Variants in LRRC37A2 observed in about 807,000 individuals in gnomAD.
LRRC37A2 encodes the protein leucine rich repeat containing 37 member A2, also known as leucine-rich repeat-containing protein 37A2.
Under a neutral mutation model 68.8 loss-of-function variants are expected in LRRC37A2, and 9 were observed. That is an observed-to-expected ratio of 0.13 (90% confidence interval 0.08 to 0.23). The LOEUF is 0.23. Ranked by LOEUF, LRRC37A2 falls within the 10% of genes least tolerant of loss-of-function variation. The pLI is 1.00. For synonymous variants in LRRC37A2, 63 were observed against 367.6 expected, an observed-to-expected ratio of 0.17 and a Z score of 9.48; for missense variants, 168 against 950.4, an observed-to-expected ratio of 0.18 and a Z score of 10.82.
chr17:46,841,775 A>G, the LRRC37A2 span, among the ~76,000 whole-genome samples: 6 of 152,318 alleles, frequency 3.9e-5, no homozygotes, highest in African/African-American at 1.2e-4. Context: ...CGGACAGGGA[A>G]GCCTGCATCC....
the LRRC37A2 span, chr17:46,939,810 C>T: frequency 3.0e-6 from 3 of 988,158 alleles, no homozygotes; most frequent in Non-Finnish European, 3.6e-6. Context: ...TCAGGCTGTA[C>T]TAATACCAGG....
At chr17:46,839,031 C>A in the LRRC37A2 span, among the ~76,000 whole-genome samples, 1 of 152,258 alleles carries the variant, frequency 6.6e-6, no homozygotes, top group African/African-American at 2.4e-5. Flanking sequence ...GCGCCCGCCA[C>A]CATGCCCAGC....
chr17:46,858,182 G>A, the LRRC37A2 span, among the ~76,000 whole-genome samples: 5 of 152,112 alleles, frequency 3.3e-5, no homozygotes, highest in African/African-American at 1.2e-4. Context: ...CACCCACCTC[G>A]GCCTCCCAAA....
the LRRC37A2 span, among the ~76,000 whole-genome samples, chr17:46,778,924 A>G: frequency 6.6e-6 from 1 of 152,052 alleles, no homozygotes; most frequent in Non-Finnish European, 1.5e-5. Flanking sequence ...CCTGTACCTA[A>G]TTCAAACCTT....
chr17:46,994,320 C>T, the LRRC37A2 span, among the ~76,000 whole-genome samples: 2 of 150,542 alleles, frequency 1.3e-5, no homozygotes, highest in South Asian at 2.1e-4. Context: ...CGGAGGCGAA[C>T]GTTGTAGTGA....
chr17:46,834,232 G>T, the LRRC37A2 span, among the ~76,000 whole-genome samples: 1 of 152,122 alleles, frequency 6.6e-6, no homozygotes, highest in Non-Finnish European at 1.5e-5. Context: ...TTCCAGAGGG[G>T]CTGAATCTCC....
At chr17:46,853,211 C>T in the LRRC37A2 span, among the ~76,000 whole-genome samples, 1 of 152,010 alleles carries the variant, frequency 6.6e-6, no homozygotes, top group African/African-American at 2.4e-5. Context: ...GTGCTCTTGG[C>T]CAAGTCACTT....
chr17:47,011,078 G>A, the LRRC37A2 span, among the ~76,000 whole-genome samples: 1 of 152,132 alleles, frequency 6.6e-6, no homozygotes, highest in Admixed American at 6.6e-5. Context: ...AGACCAGAGA[G>A]GAAACAAGCC....
the LRRC37A2 span, among the ~76,000 whole-genome samples, chr17:46,870,904 C>CTTTTTTTTTTTTTTTTTTTTTTT: frequency 5.1e-5 from 4 of 78,396 alleles, no homozygotes; most frequent in African/African-American, 2.0e-4. Flanking sequence ...TCCACCTTTG[C>CTTTTTTTTTTTTTTTTTTTTTTT]TTTTTTTTTT....
chr17:46,892,611 T>G, the LRRC37A2 span, among the ~76,000 whole-genome samples: 2 of 152,374 alleles, frequency 1.3e-5, no homozygotes, highest in East Asian at 3.9e-4. Context: ...CACACTGGAC[T>G]GTGAGCTTCT....
At chr17:46,759,205 AAAAAT>A in the LRRC37A2 span, among the ~76,000 whole-genome samples, 7 of 152,214 alleles carry the variant, frequency 4.6e-5, no homozygotes, top group East Asian at 1.9e-4. Flanking sequence ...TCTTGTCTCG[AAAAAT>A]AAAATAAGTG....
chr17:46,844,677 A>G, the LRRC37A2 span, among the ~76,000 whole-genome samples: 4 of 152,316 alleles, frequency 2.6e-5, no homozygotes, highest in Non-Finnish European at 4.4e-5. Flanking sequence ...ACTTACTCAG[A>G]TGAAAACAAA....
the LRRC37A2 span, among the ~76,000 whole-genome samples, chr17:46,860,672 C>T: frequency 6.6e-6 from 1 of 152,180 alleles, no homozygotes; most frequent in Non-Finnish European, 1.5e-5. Flanking sequence ...CAGCGTCCCA[C>T]GTTTAGAAGA....
the LRRC37A2 span, among the ~76,000 whole-genome samples, chr17:46,606,056 G>A: frequency 1.1e-5 from 1 of 91,376 alleles, no homozygotes; most frequent in Non-Finnish European, 1.9e-5. Flanking sequence ...GCGCATGCCT[G>A]TAATCCCAGC....
chr17:46,767,386 T>A, the LRRC37A2 span, among the ~76,000 whole-genome samples: 2 of 152,184 alleles, frequency 1.3e-5, no homozygotes, highest in Non-Finnish European at 2.9e-5. Flanking sequence ...TATATGCCGC[T>A]TCCCCCCACC....
the LRRC37A2 span, chr17:46,932,393 A>G: frequency 5.6e-5 from 36 of 642,418 alleles, no homozygotes; most frequent in South Asian, 6.4e-4. Flanking sequence ...TTCTAAGACA[A>G]AAACCTGAAG....
the LRRC37A2 span, among the ~76,000 whole-genome samples, chr17:46,995,667 A>G: frequency 0.7 from 106,403 of 152,016 alleles, 37,861 homozygotes; most frequent in Middle Eastern, 0.78. Flanking sequence ...AGGAGCCTAG[A>G]TCCCTTCTCC....
At chr17:46,765,168 C>T in the LRRC37A2 span, among the ~76,000 whole-genome samples, 1 of 152,232 alleles carries the variant, frequency 6.6e-6, no homozygotes. Context: ...AGTCAACCCC[C>T]AGCTCTTCTA....
chr17:46,864,823 C>T, the LRRC37A2 span, among the ~76,000 whole-genome samples: 8 of 152,096 alleles, frequency 5.3e-5, no homozygotes, highest in East Asian at 1.9e-4. Context: ...TTGTGGCCAC[C>T]GGAGACCTGC....
Sources: allele counts gnomAD v4.1 joint callset (sites outside exome capture counted in the v4.1 genomes callset), GRCh38; gene constraint gnomAD v4.1.1; transcripts MANE v1.5; gene names NCBI Gene and HGNC (gene_info 2026-07-23, HGNC 2026-07-21).